SYNPR: variants seen among roughly 807,000 people sequenced by gnomAD.
SYNPR encodes synaptoporin.
A neutral mutation model predicts 32.9 loss-of-function variants in SYNPR; 23 were observed. The observed-to-expected ratio is 0.70, with a 90% confidence interval of 0.50 to 0.99. SYNPR has a LOEUF of 0.99. Among genes scored for constraint, SYNPR ranks in the 50% least tolerant of loss-of-function variants. The probability of loss-of-function intolerance (pLI) is 0.00; values close to 1 mark genes in which losing one functional copy is unlikely to be tolerated. For synonymous variants in SYNPR, 146 were observed against 135.9 expected (o/e 1.07, Z -0.52); for missense variants, 318 against 349.3 (o/e 0.91, Z 0.71).
intron 2 of SYNPR, among the ~76,000 whole-genome samples, chr3:63,291,156 G>C (rs2086734723): frequency 6.6e-6 from 1 of 152,076 alleles, no homozygotes; most frequent in African/African-American, 2.4e-5. Flanking sequence ...CAGACTTTGG[G>C]TATATTCATG....
chr3:63,203,567 C>G, the SYNPR span: 1 of 152,174 alleles, frequency 6.6e-6, no homozygotes, highest in East Asian at 1.9e-4. Flanking sequence ...TTTGAGACAT[C>G]AATGATTTGG....
chr3:63,359,997 T>C (rs1187709838), intron 2 of SYNPR, among the ~76,000 whole-genome samples: 2 of 152,214 alleles, frequency 1.3e-5, no homozygotes, highest in Non-Finnish European at 2.9e-5. Flanking sequence ...ATAGCCAGTC[T>C]CATCTGATTC....
At chr3:63,392,037 A>T (rs2088144602) in intron 2 of SYNPR, among the ~76,000 whole-genome samples, 1 of 152,250 alleles carries the variant, frequency 6.6e-6, no homozygotes, top group South Asian at 2.1e-4. Flanking sequence ...CTTGTATATA[A>T]GTAATCTTCA....
rs1326322631 is a variant in SYNPR, at chr3:63,248,962, T to C, written n.67-3537T>C. Among the ~76,000 whole-genome samples the C allele has an allele frequency of 2.0e-5, 3 of 152,104 alleles. No individual in the cohort carries two copies. In the East Asian group the frequency reaches 5.8e-4, roughly 29 times the overall value. On this transcript the variant is annotated intron_variant and non_coding_transcript_variant, in intron 1 of 4. Coordinates refer to the SYNPR transcript ENST00000478456. Reference sequence around the variant, plus strand: ...TCAGTTTTTCATCCTCAGTTTTGTTTTTTTTACCTATCCCTATATAATATT... The same window carrying C: ...TCAGTTTTTCATCCTCAGTTTTGTTCTTTTTACCTATCCCTATATAATATT...
At chr3:63,513,443 C>T (rs919169929) in intron 3 of SYNPR, among the ~76,000 whole-genome samples, 2 of 152,092 alleles carry the variant, frequency 1.3e-5, no homozygotes, top group Non-Finnish European at 2.9e-5. Context: ...TATCAATTCA[C>T]GTAGATCCCA....
intron 3 of SYNPR, among the ~76,000 whole-genome samples, chr3:63,531,892 T>C (rs1234963894): frequency 3.3e-5 from 5 of 152,152 alleles, no homozygotes; most frequent in South Asian, 2.1e-4. Flanking sequence ...AGAAATCCCA[T>C]TGAAATTTTC....
intron 2 of SYNPR, among the ~76,000 whole-genome samples, chr3:63,289,928 A>G (rs1253286832): frequency 6.6e-6 from 1 of 152,066 alleles, no homozygotes; most frequent in African/African-American, 2.4e-5. Flanking sequence ...CAAGAGATCG[A>G]GACCATCCTG....
At chr3:63,322,230 G>A (rs2087118203) in intron 2 of SYNPR, among the ~76,000 whole-genome samples, 1 of 152,080 alleles carries the variant, frequency 6.6e-6, no homozygotes, top group African/African-American at 2.4e-5. Flanking sequence ...TGAGCATACA[G>A]TTTGTAAAGC....
At chr3:63,515,800 T>C (rs191244034) in intron 3 of SYNPR, among the ~76,000 whole-genome samples, 48 of 152,282 alleles carry the variant, frequency 3.2e-4, no homozygotes, top group Admixed American at 7.9e-4. Context: ...TGTTTGTATG[T>C]GTATATATAC....
At chr3:63,592,268 G>A (rs900370115) in intron 4 of SYNPR, among the ~76,000 whole-genome samples, 1 of 152,244 alleles carries the variant, frequency 6.6e-6, no homozygotes, top group Admixed American at 6.5e-5. Flanking sequence ...TCAACTTCTG[G>A]CCTCCAGAAG....
At chr3:63,565,614 G>T (rs1366227234) in intron 4 of SYNPR, among the ~76,000 whole-genome samples, 1 of 152,078 alleles carries the variant, frequency 6.6e-6, no homozygotes, top group East Asian at 1.9e-4. Context: ...ACAACACAAG[G>T]CTTTTCAAGA....
At chr3:63,260,341 C>G (rs1325045244) in intron 2 of SYNPR, among the ~76,000 whole-genome samples, 1 of 152,116 alleles carries the variant, frequency 6.6e-6, no homozygotes. Flanking sequence ...CCACAGTAAC[C>G]AAAACAGCAT....
intron 2 of SYNPR, among the ~76,000 whole-genome samples, chr3:63,479,314 G>C (rs968684113): frequency 1.4e-4 from 21 of 152,070 alleles, no homozygotes; most frequent in African/African-American, 4.3e-4. Context: ...GCAGTGCCAG[G>C]ACCTGTTCTA....
intron 4 of SYNPR, among the ~76,000 whole-genome samples, chr3:63,596,149 C>T (rs538643573): frequency 6.6e-6 from 1 of 151,008 alleles, no homozygotes; most frequent in South Asian, 2.1e-4. Context: ...AAAGAGGGAG[C>T]TCTCTTCCTG....
chr3:63,503,520 A>G (rs6790818), intron 3 of SYNPR, among the ~76,000 whole-genome samples: 1 of 151,972 alleles, frequency 6.6e-6, no homozygotes, highest in Non-Finnish European at 1.5e-5. Flanking sequence ...CAGTAGCAAA[A>G]TTCTTCTCAG....
chr3:63,340,918 C>T (rs2087360952), intron 2 of SYNPR, among the ~76,000 whole-genome samples: 1 of 152,100 alleles, frequency 6.6e-6, no homozygotes. Context: ...AGGGTTTACT[C>T]TTTGTGTTGT....
intron 2 of SYNPR, among the ~76,000 whole-genome samples, chr3:63,354,753 C>T (rs1263312943): frequency 6.6e-6 from 1 of 152,178 alleles, no homozygotes; most frequent in Non-Finnish European, 1.5e-5. Context: ...GTTCAAATGT[C>T]TTCTGAGTGT....
intron 4 of SYNPR, among the ~76,000 whole-genome samples, chr3:63,600,345 G>A (rs1160537545): frequency 6.6e-6 from 1 of 152,200 alleles, no homozygotes; most frequent in Non-Finnish European, 1.5e-5. Context: ...GGACAGGCAT[G>A]GGTCAAATCA....
In SYNPR at chr3:63,615,687, C is replaced by CTATGATGAATAAT; in HGVS notation, c.*206_*207insTATGATGAATAAT. ...CGACATGAGGAGATATATTATTCATCATAGATGGCTAATTGGAGAGTACCT... is the reference window on the plus strand; with the variant it reads ...CGACATGAGGAGATATATTATTCATCTATGATGAATAATATAGATGGCTAATTGGAGAGTACCT... On this transcript the variant is annotated 3_prime_UTR_variant, in exon 6 of 6. Coordinates refer to ENST00000478300, the MANE Select transcript of SYNPR (RefSeq NM_001130003.2). The CTATGATGAATAAT allele has an allele frequency of 1.7e-6, 1 of 594,462 alleles. No individual in the cohort carries two copies. Among genetic ancestry groups the CTATGATGAATAAT allele is most frequent in the Non-Finnish European group, 2.8e-6 (1 of 356,538 alleles). The allele number at this position is 594,462 out of a possible 1,614,324, so 36.8% of individuals were successfully genotyped here. A position where few individuals can be genotyped will look rare whatever the true frequency, so the allele number is the denominator to read the frequency against.
Sources: gnomAD v4.1 joint callset for allele counts (sites outside exome capture counted in the v4.1 genomes callset) on GRCh38, gnomAD v4.1.1 for gene constraint, MANE v1.5 for transcripts, NCBI Gene and HGNC (gene_info 2026-07-23, HGNC 2026-07-21) for gene names.